The following ARHGEF3 variants were observed in gnomAD, a reference collection of about 807,000 sequenced individuals.
ARHGEF3 encodes 59.8 kDA protein.
Under a neutral mutation model 63.2 loss-of-function variants are expected in ARHGEF3, and 28 were observed. That is an observed-to-expected ratio of 0.44 (90% CI 0.33 to 0.61). The LOEUF (loss-of-function observed/expected upper bound fraction) is 0.61. Among genes scored for constraint, ARHGEF3 ranks in the 20% least tolerant of loss-of-function variants. The pLI, the probability that ARHGEF3 is intolerant of heterozygous loss-of-function variation, is 0.03. For missense variants in ARHGEF3, 533 were observed against 659.3 expected, an observed-to-expected ratio of 0.81 and a Z score of 2.10; for synonymous variants, 266 against 254.2, an observed-to-expected ratio of 1.05 and a Z score of -0.44.
intron 1 of ARHGEF3, among the ~76,000 whole-genome samples, chr3:57,042,700 A>ATATATATATTTTTTTTTTTTTT (rs1704272727): frequency 1.5e-5 from 1 of 66,122 alleles, no homozygotes; most frequent in Non-Finnish European, 2.9e-5. Context: ...ATATATATAT[A>ATATATATATTTTTTTTTTTTTT]TTTTTTTTTT....
At chr3:57,073,990 TA>T in intron 1 of ARHGEF3, 1 of 1,614,178 alleles carries the variant, frequency 6.2e-7, no homozygotes, top group East Asian at 2.2e-5. Context: ...GTATCCCAAA[TA>T]AATCTTCTGG....
chr3:57,028,202 A>G (rs936641772), intron 2 of ARHGEF3, among the ~76,000 whole-genome samples: 1 of 148,432 alleles, frequency 6.7e-6, no homozygotes, highest in Non-Finnish European at 1.5e-5. Context: ...GTATATACCC[A>G]AAGGACTATA....
intron 2 of ARHGEF3, among the ~76,000 whole-genome samples, chr3:56,761,684 G>A (rs933162239): frequency 6.6e-5 from 10 of 152,132 alleles, no homozygotes; most frequent in Non-Finnish European, 4.4e-5. Context: ...TATCTGAGAG[G>A]TAAGGATTCT....
chr3:56,869,277 T>C (rs2040356271), intron 4 of ARHGEF3, among the ~76,000 whole-genome samples: 2 of 152,234 alleles, frequency 1.3e-5, no homozygotes, highest in South Asian at 4.1e-4. Flanking sequence ...CCTGGCATTG[T>C]GACCACTGAA....
chr3:56,995,013 T>C (rs1340578792), intron 2 of ARHGEF3, among the ~76,000 whole-genome samples: 1 of 152,130 alleles, frequency 6.6e-6, no homozygotes, highest in Non-Finnish European at 1.5e-5. Context: ...CTCTTTGCCT[T>C]CTGCCATGAT....
chr3:56,996,890 A>ATTATTATT (rs1553801009), intron 2 of ARHGEF3, among the ~76,000 whole-genome samples: 8 of 136,510 alleles, frequency 5.9e-5, no homozygotes, highest in South Asian at 2.3e-4. Context: ...TATTATTATT[A>ATTATTATT]TTTTTTTTTT....
Position 56,853,962 on chromosome 3 carries a change from G to A in ARHGEF3, c.192+28330C>T, listed in dbSNP as rs566067241. 2.6e-5 allele frequency among the ~76,000 whole-genome samples: 4 copies of A among 152,250 alleles called. No individual in the cohort carries two copies. In the East Asian group the frequency reaches 7.8e-4, roughly 30 times the overall value. On this transcript the variant is annotated intron_variant, in intron 4 of 12. Coordinates refer to the ARHGEF3 transcript ENST00000338458. ...TGTAATCCCAGCATTTTGGGAGGCC[G>A]AGGAGGGTGGATCACGAGGTCAGGA...
chr3:56,738,229 A>G (rs2033768615), intron 7 of ARHGEF3, among the ~76,000 whole-genome samples: 1 of 151,954 alleles, frequency 6.6e-6, no homozygotes. Flanking sequence ...TTAGTAGAAC[A>G]GGGTTTCACC....
rs564511183 is a variant in ARHGEF3, at chr3:56,920,259, G to C, written c.130-37905C>G. Among the ~76,000 whole-genome samples, 9 of 152,256 alleles carry C rather than the reference G, an allele frequency of 5.9e-5. No individual in the cohort carries two copies. The East Asian group carries it at 1.2e-3, about 20-fold the overall frequency. ...TGCCTACGATGCAAAGATGAACCCTGTTTTCCCACAGCTGGTTAAATAACC... is the reference window on the plus strand; with the variant it reads ...TGCCTACGATGCAAAGATGAACCCTCTTTTCCCACAGCTGGTTAAATAACC... On this transcript the variant is annotated intron_variant, in intron 3 of 12. Transcript: ENST00000338458.
At chr3:56,975,296 T>C (rs1579002667) in intron 2 of ARHGEF3, among the ~76,000 whole-genome samples, 1 of 152,208 alleles carries the variant, frequency 6.6e-6, no homozygotes, top group East Asian at 1.9e-4. Flanking sequence ...TGCTCACCTG[T>C]AGTCCCAGCT....
In ARHGEF3 at chr3:56,728,232, C is replaced by T. The variant is rs2032857100; in HGVS notation, c.*1038G>A. 1 of 152,604 alleles carries T rather than the reference C, an allele frequency of 6.6e-6. No individual in the cohort carries two copies. The highest frequency in any genetic ancestry group is 1.5e-5 in the Non-Finnish European group (1 of 68,030). 9.5% of individuals were successfully genotyped at this position (152,604 alleles called of 1,614,324 possible). A position where few individuals can be genotyped will look rare whatever the true frequency, so the allele number is the denominator to read the frequency against. On this transcript the variant is annotated 3_prime_UTR_variant, in exon 10 of 10. Coordinates refer to ENST00000296315, the MANE Select transcript of ARHGEF3 (RefSeq NM_019555.3). ...AGATGGCAAATTGACGACCCAAAAG[C>T]AGAGCAGGAAAGCCCAAAGCTCTGG...
In ARHGEF3 at chr3:56,751,137, CA is replaced by C. The variant is rs572622539; in HGVS notation, c.536-6del. 186 of 1,613,742 alleles carry C rather than the reference CA, an allele frequency of 1.2e-4. No homozygotes were observed. Among genetic ancestry groups the C allele is most frequent in the South Asian group, 1.1e-3 (101 of 91,032 alleles). On this transcript the variant is annotated splice_polypyrimidine_tract_variant and splice_region_variant and intron_variant, in intron 5 of 9. Transcript: ENST00000296315. Reference sequence around the variant, plus strand: ...CTCGAAGCTGACTAAGGAGCTCTGGCAAAAAACAAACAGATGCTTATTTGTT... The same window carrying C: ...CTCGAAGCTGACTAAGGAGCTCTGGCAAAAACAAACAGATGCTTATTTGTT...
At chr3:56,929,672 C>T (rs902603491) in intron 3 of ARHGEF3, among the ~76,000 whole-genome samples, 2 of 152,156 alleles carry the variant, frequency 1.3e-5, no homozygotes, top group Non-Finnish European at 1.5e-5. Flanking sequence ...TCCATAGTCA[C>T]GGTGACAAGT....
chr3:56,934,856 C>T (rs539078243), intron 3 of ARHGEF3, among the ~76,000 whole-genome samples: 105 of 152,384 alleles, frequency 6.9e-4, no homozygotes, highest in Non-Finnish European at 1.2e-3. Context: ...CGCGAGCACA[C>T]GGCGCTGGAC....
intron 2 of ARHGEF3, among the ~76,000 whole-genome samples, chr3:56,976,677 A>G (rs921748034): frequency 1.3e-5 from 2 of 152,174 alleles, no homozygotes; most frequent in Admixed American, 1.3e-4. Flanking sequence ...TATTGACTCC[A>G]ATACAGGACC....
intron 2 of ARHGEF3, among the ~76,000 whole-genome samples, chr3:56,966,986 C>T (rs2106797364): frequency 6.6e-6 from 1 of 150,824 alleles, no homozygotes; most frequent in Non-Finnish European, 1.5e-5. Context: ...ACCTCAGCCT[C>T]CTGACTAGCT....
At chr3:57,073,691 C>A in intron 1 of ARHGEF3, 1 of 1,603,220 alleles carries the variant, frequency 6.2e-7, no homozygotes, top group South Asian at 1.1e-5. Flanking sequence ...TTGACTTGGG[C>A]CCCATGTCCA....
chr3:57,027,535 T>A (rs183023962), intron 2 of ARHGEF3, among the ~76,000 whole-genome samples: 1 of 152,224 alleles, frequency 6.6e-6, no homozygotes, highest in African/African-American at 2.4e-5. Context: ...GTGAGAAGGC[T>A]GAGAGCTTTC....
chr3:56,946,910 C>A (rs1406221148), intron 3 of ARHGEF3, among the ~76,000 whole-genome samples: 1 of 152,218 alleles, frequency 6.6e-6, no homozygotes, highest in Non-Finnish European at 1.5e-5. Flanking sequence ...GGAAGCCCAT[C>A]AGACTAACAG....
Sources: gnomAD v4.1 joint callset for allele counts (sites outside exome capture counted in the v4.1 genomes callset) on GRCh38, gnomAD v4.1.1 for gene constraint, MANE v1.5 for transcripts, NCBI Gene and HGNC (gene_info 2026-07-23, HGNC 2026-07-21) for gene names.